Variants in WWOX observed in about 807,000 individuals in gnomAD.
The protein encoded by WWOX is WW domain-containing oxidoreductase.
A neutral mutation model predicts 46.2 loss-of-function variants in WWOX; 69 were observed. The observed-to-expected ratio is 1.49, with a 90% confidence interval of 1.23 to 1.82. The LOEUF is 1.82. Ranked by LOEUF, WWOX falls within the 40% of genes most tolerant of loss-of-function variation. The pLI is 0.00. For synonymous variants in WWOX, 359 were observed against 202.6 expected (o/e 1.77, Z -6.56); for missense variants, 919 against 542.6 (o/e 1.69, Z -6.89).
intron 5 of WWOX, among the ~76,000 whole-genome samples, chr16:78,213,337 A>G (rs1435300521): frequency 6.6e-6 from 1 of 151,340 alleles, no homozygotes; most frequent in Non-Finnish European, 1.5e-5. Flanking sequence ...TTTCCCTAAT[A>G]TAAGGGAGCA....
intron 5 of WWOX, among the ~76,000 whole-genome samples, chr16:78,355,192 A>G (rs2081259772): frequency 6.6e-6 from 1 of 152,132 alleles, no homozygotes; most frequent in Non-Finnish European, 1.5e-5. Context: ...GTCACTCTAT[A>G]GTAACTATTA....
chr16:79,102,311 G>C (rs1226499288), intron 8 of WWOX, among the ~76,000 whole-genome samples: 2 of 152,154 alleles, frequency 1.3e-5, no homozygotes, highest in African/African-American at 2.4e-5. Flanking sequence ...TTGACTCTAG[G>C]ACTCAGCTAC....
At chr16:78,326,966 T>G (rs980316721) in intron 5 of WWOX, among the ~76,000 whole-genome samples, 57 of 152,178 alleles carry the variant, frequency 3.7e-4, no homozygotes, top group African/African-American at 1.4e-3. Flanking sequence ...CTCTTGCTGC[T>G]TTTTCTGAAG....
At chr16:78,666,525 A>G (rs538156926) in intron 8 of WWOX, among the ~76,000 whole-genome samples, 39 of 152,292 alleles carry the variant, frequency 2.6e-4, no homozygotes, top group African/African-American at 8.9e-4. Flanking sequence ...TAGGTCAGCA[A>G]ATTTTATTTA....
chr16:78,803,643 G>C (rs2050953639), intron 8 of WWOX, among the ~76,000 whole-genome samples: 1 of 152,038 alleles, frequency 6.6e-6, no homozygotes, highest in Middle Eastern at 3.4e-3. Context: ...TATTTTTGTA[G>C]AGATGTGGTC....
intron 8 of WWOX, among the ~76,000 whole-genome samples, chr16:78,669,771 T>TC (rs1490915875): frequency 2.6e-5 from 4 of 152,196 alleles, no homozygotes; most frequent in Non-Finnish European, 5.9e-5. Flanking sequence ...CATCCATGCA[T>TC]CCCACATGGC....
intron 8 of WWOX, among the ~76,000 whole-genome samples, chr16:78,831,642 C>T (rs1388811055): frequency 6.6e-6 from 1 of 152,174 alleles, no homozygotes; most frequent in Non-Finnish European, 1.5e-5. Context: ...TGAGTTTTTT[C>T]ATCTGTGAAA....
intron 8 of WWOX, among the ~76,000 whole-genome samples, chr16:78,677,434 T>A (rs905622936): frequency 6.6e-6 from 1 of 152,210 alleles, no homozygotes; most frequent in Non-Finnish European, 1.5e-5. Flanking sequence ...GTTTTCAAGT[T>A]GAGAAGTTTC....
At chr16:79,197,477 CAG>C (rs2051263406) in intron 8 of WWOX, among the ~76,000 whole-genome samples, 1 of 151,974 alleles carries the variant, frequency 6.6e-6, no homozygotes, top group Non-Finnish European at 1.5e-5. Context: ...TGCCCCCCTC[CAG>C]TGAGCGAGTT....
chr16:78,325,219 G>T (rs1406660680), intron 5 of WWOX, among the ~76,000 whole-genome samples: 1 of 152,164 alleles, frequency 6.6e-6, no homozygotes, highest in African/African-American at 2.4e-5. Flanking sequence ...CTCTAATCAG[G>T]AGAAATGAAA....
chr16:78,849,590 AAAG>A (rs2052390408), intron 8 of WWOX, among the ~76,000 whole-genome samples: 3 of 149,612 alleles, frequency 2.0e-5, no homozygotes, highest in South Asian at 4.2e-4. Flanking sequence ...AAAAAAAAAA[AAAG>A]AAAACAACTA....
chr16:79,035,104 A>G (rs2047840141), intron 8 of WWOX, among the ~76,000 whole-genome samples: 1 of 152,110 alleles, frequency 6.6e-6, no homozygotes, highest in Non-Finnish European at 1.5e-5. Flanking sequence ...AAATAAATAC[A>G]CTTTTTTCAA....
chr16:78,827,711 C>T (rs1038196889), intron 8 of WWOX, among the ~76,000 whole-genome samples: 1 of 151,572 alleles, frequency 6.6e-6, no homozygotes, highest in African/African-American at 2.4e-5. Context: ...CATGGTGGTG[C>T]ATGTCTGTTA....
chr16:78,501,474 C>T (rs1050633890), intron 8 of WWOX, among the ~76,000 whole-genome samples: 1 of 151,756 alleles, frequency 6.6e-6, no homozygotes, highest in Non-Finnish European at 1.5e-5. Flanking sequence ...TTTTTGCTGG[C>T]TCTCTTTCAA....
chr16:78,502,530 G>C (rs559976913), intron 8 of WWOX, among the ~76,000 whole-genome samples: 1 of 152,244 alleles, frequency 6.6e-6, no homozygotes, highest in South Asian at 2.1e-4. Context: ...ATTTCTTTTT[G>C]TGGCTAAGTA....
At chr16:78,608,321 T>C (rs2045813431) in intron 8 of WWOX, among the ~76,000 whole-genome samples, 1 of 152,198 alleles carries the variant, frequency 6.6e-6, no homozygotes, top group South Asian at 2.1e-4. Flanking sequence ...ATGAGGTCTA[T>C]CCTGTTTTGC....
At chr16:78,522,142 T>TA (rs1405541523) in intron 8 of WWOX, among the ~76,000 whole-genome samples, 5 of 135,066 alleles carry the variant, frequency 3.7e-5, no homozygotes, top group East Asian at 2.2e-4. Flanking sequence ...ATGGAAGGCT[T>TA]TAAAAAAAAA....
intron 8 of WWOX, among the ~76,000 whole-genome samples, chr16:78,863,073 C>G (rs186011102): frequency 6.6e-6 from 1 of 151,778 alleles, no homozygotes; most frequent in East Asian, 1.9e-4. Flanking sequence ...ATTCTCCTGC[C>G]TCAGCCTCCC....
intron 5 of WWOX, among the ~76,000 whole-genome samples, chr16:78,341,336 T>A (rs2081010352): frequency 8.3e-6 from 1 of 121,096 alleles, no homozygotes; most frequent in Non-Finnish European, 2.0e-5. Flanking sequence ...GAATAATCTT[T>A]GATTTGTATT....
Sources: allele counts gnomAD v4.1 joint callset (sites outside exome capture counted in the v4.1 genomes callset), GRCh38; gene constraint gnomAD v4.1.1; transcripts MANE v1.5; gene names NCBI Gene and HGNC (gene_info 2026-07-23, HGNC 2026-07-21).